The following TOX variants were observed in gnomAD, a reference collection of about 807,000 sequenced individuals.
The protein encoded by TOX is thymocyte selection-associated high mobility group box protein TOX.
TOX carries 11 observed loss-of-function variants against 53.7 expected under a neutral mutation model. The ratio of observed to expected loss-of-function variants is 0.20; its 90% CI spans 0.13 to 0.34. The LOEUF is 0.34. Ranked by LOEUF, TOX falls within the 10% of genes least tolerant of loss-of-function variation. The pLI is 1.00. For synonymous variants in TOX, 225 were observed against 245.3 expected (o/e 0.92, Z 0.77); for missense variants, 570 against 664.6 (o/e 0.86, Z 1.56).
chr8:59,045,518 T>C (rs1803666061), intron 1 of TOX, among the ~76,000 whole-genome samples: 1 of 152,222 alleles, frequency 6.6e-6, no homozygotes, highest in African/African-American at 2.4e-5. Context: ...GTGGTTGTTA[T>C]TTGAATAATG....
intron 3 of TOX, among the ~76,000 whole-genome samples, chr8:58,936,648 C>A (rs1181398736): frequency 1.3e-5 from 2 of 152,166 alleles, no homozygotes; most frequent in African/African-American, 4.8e-5. Flanking sequence ...ATTCTTCCAA[C>A]TTTATTAGAT....
At chr8:58,982,651 C>T (rs959184140) in intron 1 of TOX, among the ~76,000 whole-genome samples, 4 of 152,346 alleles carry the variant, frequency 2.6e-5, no homozygotes, top group African/African-American at 9.6e-5. Flanking sequence ...CAATCCCAAT[C>T]TATGGTCTTC....
intron 3 of TOX, among the ~76,000 whole-genome samples, chr8:58,860,213 C>A (rs1210180120): frequency 6.6e-6 from 1 of 152,106 alleles, no homozygotes; most frequent in African/African-American, 2.4e-5. Context: ...GTCTTACTTT[C>A]AACTTCTTTA....
intron 1 of TOX, among the ~76,000 whole-genome samples, chr8:58,965,846 A>G (rs1264458589): frequency 6.8e-6 from 1 of 146,478 alleles, no homozygotes; most frequent in Non-Finnish European, 1.5e-5. Flanking sequence ...CCCAAAACAA[A>G]ATTTCCATTT....
intron 1 of TOX, among the ~76,000 whole-genome samples, chr8:58,977,477 T>C (rs1813123131): frequency 6.6e-6 from 1 of 152,262 alleles, no homozygotes; most frequent in South Asian, 2.1e-4. Flanking sequence ...TATTGGTATG[T>C]TCACAGGAGT....
chr8:59,075,937 G>C (rs558843920), intron 1 of TOX, among the ~76,000 whole-genome samples: 2 of 151,906 alleles, frequency 1.3e-5, no homozygotes, highest in East Asian at 3.9e-4. Flanking sequence ...CCCGGGAGGC[G>C]GAGGTTGCGG....
chr8:59,092,552 T>G (rs1013717949), intron 1 of TOX, among the ~76,000 whole-genome samples: 7 of 151,570 alleles, frequency 4.6e-5, no homozygotes, highest in Non-Finnish European at 7.4e-5. Flanking sequence ...TTTAAATGGC[T>G]TCTCACAAGC....
chr8:58,951,645 C>A (rs1812623865), intron 2 of TOX, among the ~76,000 whole-genome samples: 1 of 152,180 alleles, frequency 6.6e-6, no homozygotes. Context: ...GTAGGCTTAG[C>A]TCTTCTTGAA....
chr8:58,913,305 GAC>G lies in TOX; in HGVS notation c.411+25995_411+25996del, dbSNP rs753064105. 5.4e-4 allele frequency among the ~76,000 whole-genome samples: 82 copies of G among 152,276 alleles called. 1 individual carries two copies. The highest frequency in any genetic ancestry group is 9.4e-4 in the Non-Finnish European group (64 of 68,022). On this transcript the variant is annotated intron_variant, in intron 3 of 8. Coordinates refer to ENST00000361421, the MANE Select transcript of TOX (RefSeq NM_014729.3). ...CACTCCAGCCTGGGTGACAGAGAAA[GAC>G]ACAGTCTCTAAACAAATAAATAAAA... is the stretch of plus-strand genomic sequence containing the variant.
chr8:58,849,325 C>T (rs569455850), intron 4 of TOX, among the ~76,000 whole-genome samples: 2 of 152,224 alleles, frequency 1.3e-5, no homozygotes, highest in Admixed American at 1.3e-4. Context: ...AAATCAATCC[C>T]TAAACTTTCC....
At chr8:58,831,575 T>G (rs1216047580) in intron 5 of TOX, among the ~76,000 whole-genome samples, 1 of 152,214 alleles carries the variant, frequency 6.6e-6, no homozygotes, top group Non-Finnish European at 1.5e-5. Flanking sequence ...AAAACCATGG[T>G]GTGAATAAAA....
chr8:58,812,591 C>T (rs1810102619), intron 7 of TOX, among the ~76,000 whole-genome samples: 1 of 152,186 alleles, frequency 6.6e-6, no homozygotes, highest in Non-Finnish European at 1.5e-5. Context: ...AGGCTCTGTC[C>T]TTCCTGCATG....
intron 1 of TOX, among the ~76,000 whole-genome samples, chr8:59,082,482 T>G (rs1563440528): frequency 6.6e-6 from 1 of 152,276 alleles, no homozygotes; most frequent in Non-Finnish European, 1.5e-5. Context: ...CATATATTTA[T>G]GGATATGAAT....
At chr8:58,847,860 G>A (rs930529682) in intron 4 of TOX, among the ~76,000 whole-genome samples, 2 of 152,010 alleles carry the variant, frequency 1.3e-5, no homozygotes, top group African/African-American at 2.4e-5. Context: ...TCTTCAAAAC[G>A]CTGAAAGAAA....
chr8:58,848,586 T>C (rs1316506305), intron 4 of TOX, among the ~76,000 whole-genome samples: 1 of 152,060 alleles, frequency 6.6e-6, no homozygotes, highest in Non-Finnish European at 1.5e-5. Flanking sequence ...AATGTGATTG[T>C]AATGTCAGAT....
chr8:58,815,772 T>G, intron 6 of TOX, 48 bp from the exon 7 acceptor site: 1 of 1,550,444 alleles, frequency 6.4e-7, no homozygotes, highest in South Asian at 1.2e-5. Flanking sequence ...TACATGAGTG[T>G]TGATTCAAGG....
chr8:58,879,301 T>C (rs1811343754), intron 3 of TOX, among the ~76,000 whole-genome samples: 3 of 152,208 alleles, frequency 2.0e-5, no homozygotes, highest in Admixed American at 2.0e-4. Flanking sequence ...TAGATAGTTT[T>C]ACCATGATGG....
chr8:58,974,300 T>C (rs905109769), intron 1 of TOX, among the ~76,000 whole-genome samples: 7 of 152,192 alleles, frequency 4.6e-5, no homozygotes, highest in Non-Finnish European at 8.8e-5. Context: ...TCAACAGTGC[T>C]GCTGTTGAGA....
chr8:59,027,699 C>T (rs1397348676), intron 1 of TOX, among the ~76,000 whole-genome samples: 1 of 152,106 alleles, frequency 6.6e-6, no homozygotes, highest in Non-Finnish European at 1.5e-5. Context: ...TCATCACTCA[C>T]AATCTACTCA....
Sources: allele counts gnomAD v4.1 joint callset (sites outside exome capture counted in the v4.1 genomes callset), GRCh38; gene constraint gnomAD v4.1.1; transcripts MANE v1.5; gene names NCBI Gene and HGNC (gene_info 2026-07-23, HGNC 2026-07-21).